Variants in SAMD13 observed in about 807,000 individuals in gnomAD.
The protein encoded by SAMD13 is sterile alpha motif domain-containing protein 13.
Under a neutral mutation model 12.4 loss-of-function variants are expected in SAMD13, and 9 were observed. The observed-to-expected ratio is 0.72, with a 90% CI of 0.44 to 1.26. The LOEUF (loss-of-function observed/expected upper bound fraction) is 1.26, where lower values mean the gene tolerates loss of function less well. Ranked by LOEUF, SAMD13 falls within the 50% of genes most tolerant of loss-of-function variation. The pLI, the probability that SAMD13 is intolerant of heterozygous loss-of-function variation, is 0.00. For missense variants in SAMD13, 84 were observed against 119.6 expected, an observed-to-expected ratio of 0.70 and a Z score of 1.39; for synonymous variants, 46 against 45.4, an observed-to-expected ratio of 1.01 and a Z score of -0.05.
intron 2 of SAMD13, among the ~76,000 whole-genome samples, chr1:84,319,080 A>G (rs1336186660): frequency 6.6e-6 from 1 of 152,190 alleles, no homozygotes; most frequent in Non-Finnish European, 1.5e-5. Context: ...GCTGTTTCTT[A>G]TATAGTTTCT....
chr1:84,326,874 T>C (rs1254804746), intron 3 of SAMD13, among the ~76,000 whole-genome samples: 2 of 152,176 alleles, frequency 1.3e-5, no homozygotes, highest in African/African-American at 4.8e-5. Flanking sequence ...TCAGACTTGA[T>C]CTTTGTACAT....
At chr1:84,331,660 CAAAT>C in intron 3 of SAMD13, among the ~76,000 whole-genome samples, 1 of 152,106 alleles carries the variant, frequency 6.6e-6, no homozygotes, top group East Asian at 1.9e-4. Flanking sequence ...GGTGAAATCT[CAAAT>C]AAGTGGGTAA....
chr1:84,347,256 T>C (rs1485771777), intron 3 of SAMD13, among the ~76,000 whole-genome samples: 1 of 152,218 alleles, frequency 6.6e-6, no homozygotes. Flanking sequence ...TGGTTGTATG[T>C]ATGAATTAAC....
chr1:84,338,236 T>C (rs1280392600), intron 3 of SAMD13, among the ~76,000 whole-genome samples: 1 of 152,100 alleles, frequency 6.6e-6, no homozygotes, highest in Non-Finnish European at 1.5e-5. Context: ...ACTGTAGTAG[T>C]CTATTTCACA....
chr1:84,313,117 T>G (rs1678750803), intron 2 of SAMD13, among the ~76,000 whole-genome samples: 1 of 152,122 alleles, frequency 6.6e-6, no homozygotes, highest in South Asian at 2.1e-4. Context: ...TTTTTGACAG[T>G]TTTTGTGCAC....
chr1:84,298,678 A>C, upstream of SAMD13: 1 of 1,036,260 alleles, frequency 9.7e-7, no homozygotes, highest in Middle Eastern at 2.3e-4. Flanking sequence ...GCCCTCCCAA[A>C]AACACATCTT....
chr1:84,336,329 A>T (rs1057368394), intron 3 of SAMD13, among the ~76,000 whole-genome samples: 2 of 152,188 alleles, frequency 1.3e-5, no homozygotes, highest in African/African-American at 4.8e-5. Context: ...GCTGATAAAG[A>T]CATGTAAATT....
intron 3 of SAMD13, among the ~76,000 whole-genome samples, chr1:84,339,172 A>T (rs193280828): frequency 4.3e-4 from 65 of 152,272 alleles, no homozygotes; most frequent in Non-Finnish European, 7.8e-4. Flanking sequence ...GTTAAGAACA[A>T]TTATTGGGGA....
chr1:84,324,511 G>A (rs888075380), intron 2 of SAMD13, among the ~76,000 whole-genome samples: 12 of 152,238 alleles, frequency 7.9e-5, no homozygotes, highest in Admixed American at 3.3e-4. Context: ...ATAACTTGCC[G>A]CTGTACATTT....
intron 2 of SAMD13, among the ~76,000 whole-genome samples, chr1:84,309,144 T>G (rs911923737): frequency 1.3e-5 from 2 of 152,148 alleles, no homozygotes; most frequent in Admixed American, 1.3e-4. Context: ...CTCAGAGAAG[T>G]GAATACTTAA....
intron 3 of SAMD13, among the ~76,000 whole-genome samples, chr1:84,329,065 G>A (rs1326622227): frequency 6.6e-6 from 1 of 152,118 alleles, no homozygotes; most frequent in Non-Finnish European, 1.5e-5. Flanking sequence ...GATATTAGGA[G>A]GTGGGATCTT....
At chr1:84,323,206 G>A (rs79529802) in intron 2 of SAMD13, among the ~76,000 whole-genome samples, 3,846 of 152,266 alleles carry the variant, frequency 0.025, 142 homozygotes, top group African/African-American at 0.076. Context: ...CCTTAAGAGA[G>A]AGGGAAGGAA....
rs1300065253 is a variant in SAMD13, at chr1:84,301,741, G to C, written c.-93G>C. On this transcript the variant is annotated 5_prime_UTR_variant, in exon 1 of 4. Transcript: ENST00000394834. Reference sequence around the variant, plus strand: ...AGCCTACTTTGTGAAAGAAAACATTGGGGTTTCTTTGGCTGTTCTTGATAA... The same window carrying C: ...AGCCTACTTTGTGAAAGAAAACATTCGGGTTTCTTTGGCTGTTCTTGATAA... The C allele has an allele frequency of 1.0e-6, 1 of 985,210 alleles. No homozygotes were observed. The highest frequency in any genetic ancestry group is 1.2e-6 in the Non-Finnish European group (1 of 829,906). The allele number at this position is 985,210 out of a possible 1,614,324, so 61.0% of individuals were successfully genotyped here.
chr1:84,344,774 G>A (rs1679503193), intron 3 of SAMD13: 1 of 395,134 alleles, frequency 2.5e-6, no homozygotes, highest in African/African-American at 2.1e-5. Flanking sequence ...GGTACACCCA[G>A]ACAAGAACCC....
chr1:84,331,036 C>T (rs1419040397), intron 3 of SAMD13, among the ~76,000 whole-genome samples: 1 of 152,076 alleles, frequency 6.6e-6, no homozygotes, highest in Non-Finnish European at 1.5e-5. Flanking sequence ...CAAAGATTGA[C>T]ATCTCTTTAC....
At chr1:84,347,894 C>T (rs1021970981) in intron 3 of SAMD13, among the ~76,000 whole-genome samples, 2 of 152,200 alleles carry the variant, frequency 1.3e-5, no homozygotes, top group South Asian at 4.2e-4. Flanking sequence ...TTCCTGTGTC[C>T]TTAAGGAATT....
chr1:84,327,293 T>A lies in SAMD13; in HGVS notation c.165+1545T>A, dbSNP rs145459025. ...CTACTGTTATGTGCAGCCATTTGCA[T>A]GAGTCTCAAAAACATATTACTGATT... On this transcript the variant is annotated intron_variant, in intron 3 of 3. Transcript: ENST00000394834. Among the ~76,000 whole-genome samples, 315 of 152,290 alleles carry A rather than the reference T, an allele frequency of 2.1e-3. 4 individuals carry two copies. The highest frequency in any genetic ancestry group is 7.1e-3 in the African/African-American group (296 of 41,560).
Position 84,349,994 on chromosome 1 carries a change from G to C in SAMD13, c.*220G>C. The C allele has an allele frequency of 1.1e-6, 1 of 945,556 alleles. No homozygotes were observed. Among genetic ancestry groups the C allele is most frequent in the East Asian group, 3.4e-5 (1 of 29,340 alleles). The allele number at this position is 945,556 out of a possible 1,614,324, so 58.6% of individuals were successfully genotyped here. ...TGCGCACAGGGTGGTTTTCCTCATG[G>C]ATTTTGTCAAATAGATGATCTTTGA... On this transcript the variant is annotated 3_prime_UTR_variant, in exon 4 of 4. Transcript: ENST00000394834.
chr1:84,344,917 T>C (rs1476335798), intron 3 of SAMD13: 5 of 456,696 alleles, frequency 1.1e-5, no homozygotes, highest in South Asian at 7.7e-5. Context: ...ACAGAGGAGA[T>C]GGCAGAGACA....
Sources: gnomAD v4.1 joint callset for allele counts (sites outside exome capture counted in the v4.1 genomes callset) on GRCh38, gnomAD v4.1.1 for gene constraint, MANE v1.5 for transcripts, NCBI Gene and HGNC (gene_info 2026-07-23, HGNC 2026-07-21) for gene names.